Variants in CCDC93 observed in about 807,000 individuals in gnomAD.
CCDC93 encodes the protein CCC complex scaffolding subunit CCDC93, also known as coiled-coil domain-containing protein 93.
A neutral mutation model predicts 108.2 loss-of-function variants in CCDC93; 61 were observed. The ratio of observed to expected loss-of-function variants is 0.56; its 90% CI spans 0.46 to 0.70. The LOEUF (loss-of-function observed/expected upper bound fraction) is 0.70. Ranked by LOEUF, CCDC93 falls within the 30% of genes least tolerant of loss-of-function variation. The probability of loss-of-function intolerance (pLI) is 0.00; values close to 1 mark genes in which losing one functional copy is unlikely to be tolerated. For synonymous variants in CCDC93, 276 were observed against 260.4 expected (o/e 1.06, Z -0.58); for missense variants, 685 against 764.2 (o/e 0.90, Z 1.22).
chr2:117,952,266 C>A, intron 13 of CCDC93, 107 bp downstream of exon 13: 1 of 796,564 alleles, frequency 1.3e-6, no homozygotes. Flanking sequence ...AGAACAGGAT[C>A]GTGTCTCCCA....
rs1416117673 is a variant in CCDC93 at position 117,958,393 on chromosome 2, A to G, written c.977T>C (p.Ile326Thr). 1 of 1,612,472 alleles carries G rather than the reference A, an allele frequency of 6.2e-7. No homozygotes were observed. The highest frequency in any genetic ancestry group is 1.7e-5 in the Admixed American group (1 of 60,010). ...TTCAAGATGTTTGGTCTTTTGCGCA[A>G]TCTGTTTGTTCAAGGAAATGACTTT... ...RRKVISLNKQ[I>T]AQKTKHLEEL... Residue 326 changes from isoleucine (I) to threonine (T), a missense_variant, in exon 12 of 24, where the codon ATT (isoleucine) becomes ACT (threonine). Physicochemically the swap from Ile to Thr is moderately conservative, Grantham distance 89. Transcript: ENST00000376300.
At chr2:117,927,683 C>T (rs1290127712) in intron 23 of CCDC93, among the ~76,000 whole-genome samples, 2 of 152,120 alleles carry the variant, frequency 1.3e-5, no homozygotes, top group African/African-American at 4.8e-5. Context: ...GGCCATACTG[C>T]CCAAGGTAAT....
chr2:118,000,837 A>G lies in CCDC93; in HGVS notation c.347T>C (p.Ile116Thr). 1 of 1,611,108 alleles carries G rather than the reference A, an allele frequency of 6.2e-7. No homozygotes were observed. Among genetic ancestry groups the G allele is most frequent in the South Asian group, 1.1e-5 (1 of 91,024 alleles). ...GGCTCTCACCTGAACAACAGGAAAT[A>G]TGTGAATAAAATCCATCCCCTGGAT... ...HQIQGMDFIH[I>T]FPVVQWLVKR... Residue 116 changes from isoleucine (I) to threonine (T), a missense_variant, in exon 4 of 24, where the codon ATA (isoleucine) becomes ACA (threonine). By Grantham distance (89) the Ile-to-Thr change is moderately conservative. Transcript: ENST00000376300.
At chr2:117,995,303 G>T in intron 6 of CCDC93, 143 bp downstream of exon 6, 2 of 708,600 alleles carry the variant, frequency 2.8e-6, no homozygotes, top group Non-Finnish European at 5.0e-6. Flanking sequence ...AGCAGGCGGG[G>T]CTTCCCTCAC....
At chr2:117,968,581 T>A (rs754022216) in intron 11 of CCDC93, among the ~76,000 whole-genome samples, 1 of 152,214 alleles carries the variant, frequency 6.6e-6, no homozygotes, top group Non-Finnish European at 1.5e-5. Context: ...CTCAGGAACT[T>A]TGAGATACAT....
At chr2:117,961,461 G>A (rs1679387705) in intron 11 of CCDC93, among the ~76,000 whole-genome samples, 2 of 152,190 alleles carry the variant, frequency 1.3e-5, no homozygotes, top group South Asian at 4.1e-4. Flanking sequence ...GCTATGGGAA[G>A]CTGCTTTGTT....
intron 17 of CCDC93, among the ~76,000 whole-genome samples, chr2:117,945,100 A>G (rs1405467449): frequency 6.6e-6 from 1 of 152,236 alleles, no homozygotes; most frequent in South Asian, 2.1e-4. Context: ...GCTGGCTCAC[A>G]AAGCCAAAAA....
At chr2:117,927,245 A>G (rs1403507016) in intron 23 of CCDC93, among the ~76,000 whole-genome samples, 1 of 152,162 alleles carries the variant, frequency 6.6e-6, no homozygotes, top group Non-Finnish European at 1.5e-5. Context: ...CTCCTATTCA[A>G]CATAGTGTTG....
chr2:118,001,201 G>C (rs1317704900), intron 3 of CCDC93: 2 of 330,320 alleles, frequency 6.1e-6, no homozygotes, highest in African/African-American at 4.2e-5. Flanking sequence ...TTTGTGAAAT[G>C]ATGGTAACAT....
intron 1 of CCDC93, chr2:118,012,679 T>A (rs538863526): frequency 1.3e-5 from 2 of 152,262 alleles, no homozygotes; most frequent in East Asian, 1.9e-4. Context: ...CTATCCTGGG[T>A]CCCATCCCAG....
chr2:117,931,357 G>A, intron 22 of CCDC93: 1 of 457,534 alleles, frequency 2.2e-6, no homozygotes, highest in East Asian at 3.8e-5. Context: ...CTATCACTGA[G>A]TATTAACTGT....
chr2:118,013,968 G>T lies in CCDC93; in HGVS notation c.28C>A (p.Gln10Lys). Residue 10 changes from glutamine (Q) to lysine (K), a missense_variant, in exon 1 of 24, where the codon CAG (glutamine) becomes AAG (lysine). Gln to Lys is a moderately conservative substitution (Grantham distance 53, BLOSUM62 1). Transcript: ENST00000376300. MGLPRGPEG[Q>K]GLPEVETRED... ...GGCGTTCTTACCTCCGGGAGACCCT[G>T]GCCCTCCGGCCCCCTGGGCAACCCC... The T allele has an allele frequency of 6.3e-7, 1 of 1,594,926 alleles. No homozygotes were observed. Among genetic ancestry groups the T allele is most frequent in the Non-Finnish European group, 8.5e-7 (1 of 1,172,262 alleles).
chr2:118,008,409 T>C, intron 2 of CCDC93, 136 bp downstream of exon 2: 1 of 619,310 alleles, frequency 1.6e-6, no homozygotes, highest in Non-Finnish European at 2.9e-6. Flanking sequence ...ACTTCCATAA[T>C]GAATCTGAAT....
At chr2:118,006,111 G>A (rs1336045263) in intron 3 of CCDC93, among the ~76,000 whole-genome samples, 1 of 152,106 alleles carries the variant, frequency 6.6e-6, no homozygotes, top group African/African-American at 2.4e-5. Flanking sequence ...TTTTGGAAGT[G>A]TTTTCTCTTG....
rs1234303665 is a variant in CCDC93 at position 117,931,065 on chromosome 2, T to G, written c.1814A>C (p.Tyr605Ser). The G allele has an allele frequency of 1.2e-6, 2 of 1,613,050 alleles. No individual in the cohort carries two copies. The highest frequency in any genetic ancestry group is 3.3e-5 in the Admixed American group (2 of 59,978). Residue 605 changes from tyrosine to serine, a missense_variant, in exon 23 of 24, where the codon TAC becomes TCC. By Grantham distance (144) the Tyr-to-Ser change is moderately radical (BLOSUM62 -2). Coordinates refer to ENST00000376300, the MANE Select transcript of CCDC93 (RefSeq NM_019044.5). ...CTTGAACTCTTTCACAGTCTTAAAG[T>G]ATAGCCTCTGCTTTTCTAACAGCTC... is the stretch of plus-strand genomic sequence containing the variant. ...YLELLEKQRL[Y>S]FKTVKEFKEE...
At position 118,000,952 on chromosome 2, in the gene CCDC93, A is replaced by T. The variant is rs770286250; in HGVS notation, c.252-20T>A. On this transcript the variant is annotated intron_variant, in intron 3 of 23. Coordinates refer to ENST00000376300, the MANE Select transcript of CCDC93 (RefSeq NM_019044.5). ...AGAGCTCTGTTCAGAAAAAGTAACA[A>T]GCAAAGAGTGAGGCATACTAAGTAG... 2 of 1,478,254 alleles carry T rather than the reference A, an allele frequency of 1.4e-6. No homozygotes were observed. Among genetic ancestry groups the T allele is most frequent in the East Asian group, 2.3e-5 (1 of 44,250 alleles). The allele number at this position is 1,478,254 out of a possible 1,614,324, so 91.6% of individuals were successfully genotyped here.
intron 14 of CCDC93, among the ~76,000 whole-genome samples, chr2:117,948,953 G>T (rs1374101836): frequency 6.6e-6 from 1 of 152,216 alleles, no homozygotes; most frequent in Non-Finnish European, 1.5e-5. Context: ...TTAAAAACTT[G>T]TAACAATAGT....
At chr2:117,925,243 A>C (rs1186542341) in intron 23 of CCDC93, among the ~76,000 whole-genome samples, 2 of 152,292 alleles carry the variant, frequency 1.3e-5, no homozygotes, top group African/African-American at 4.8e-5. Flanking sequence ...CTACCATCAT[A>C]ATGACAGGAT....
intron 12 of CCDC93, among the ~76,000 whole-genome samples, chr2:117,956,762 GTAGAACAAATTCTAA>G (rs1264013962): frequency 6.6e-6 from 1 of 152,134 alleles, no homozygotes; most frequent in African/African-American, 2.4e-5. Context: ...TTCAGCTATG[GTAGAACAAATTCTAA>G]TAGAACAAAT....
Sources: gnomAD v4.1 joint callset for allele counts (sites outside exome capture counted in the v4.1 genomes callset) on GRCh38, gnomAD v4.1.1 for gene constraint, MANE v1.5 for transcripts, NCBI Gene and HGNC (gene_info 2026-07-23, HGNC 2026-07-21) for gene names.